The following NFATC2 variants were observed in gnomAD, a reference collection of about 807,000 sequenced individuals.
NFATC2 encodes nuclear factor of activated T-cells, cytoplasmic 2.
A neutral mutation model predicts 87.3 loss-of-function variants in NFATC2; 22 were observed. The observed-to-expected ratio is 0.25, with a 90% CI of 0.18 to 0.36. The LOEUF (loss-of-function observed/expected upper bound fraction) is 0.36, where lower values mean the gene tolerates loss of function less well. Ranked by LOEUF, NFATC2 falls within the 10% of genes least tolerant of loss-of-function variation. NFATC2 has a pLI of 1.00. For synonymous variants in NFATC2, 565 were observed against 542.2 expected, an observed-to-expected ratio of 1.04 and a Z score of -0.58; for missense variants, 1,149 against 1,259.1, an observed-to-expected ratio of 0.91 and a Z score of 1.32.
intron 9 of NFATC2, among the ~76,000 whole-genome samples, chr20:51,415,722 C>T (rs1468731703): frequency 6.6e-6 from 1 of 152,190 alleles, no homozygotes; most frequent in Non-Finnish European, 1.5e-5. Context: ...AGAGGTTCTA[C>T]CCATGCAGAT....
chr20:51,507,596 G>A lies in NFATC2; in HGVS notation c.1332+9188C>T, dbSNP rs897429660. ...ACACAAAACAAATAGCCTGACAGAC[G>A]TAAGTCTACATCACTTTATCATTGA... On this transcript the variant is annotated intron_variant, in intron 3 of 10. Coordinates refer to ENST00000371564, the MANE Select transcript of NFATC2 (RefSeq NM_012340.5). 9.8e-5 allele frequency among the ~76,000 whole-genome samples: 15 copies of A among 152,312 alleles called. No homozygotes were observed. The East Asian group carries it at 1.9e-3, about 20-fold the overall frequency.
intron 6 of NFATC2, among the ~76,000 whole-genome samples, chr20:51,446,627 A>C (rs1165642978): frequency 6.6e-6 from 1 of 152,272 alleles, no homozygotes; most frequent in Non-Finnish European, 1.5e-5. Context: ...TGCAAACGGA[A>C]TGAACTGCAG....
chr20:51,454,706 A>G lies in NFATC2; in HGVS notation c.1709-18T>C. The G allele has an allele frequency of 1.9e-6, 3 of 1,613,506 alleles. 1 individual carries two copies. The South Asian group carries it at 3.3e-5, about 18-fold the overall frequency. On this transcript the variant is annotated intron_variant, in intron 5 of 10. Coordinates refer to ENST00000371564, the MANE Select transcript of NFATC2 (RefSeq NM_012340.5). Reference sequence around the variant, plus strand: ...TCGCTGGGCTGCAGGCAAAAGAGAGAGAAGTCACTGTGATAAGGGGAGATG... The same window carrying G: ...TCGCTGGGCTGCAGGCAAAAGAGAGGGAAGTCACTGTGATAAGGGGAGATG...
chr20:51,413,057 C>CAGCTCCCGGGTTTCACAATCCTTTCCAT (rs1184787042), intron 9 of NFATC2, among the ~76,000 whole-genome samples: 183 of 148,918 alleles, frequency 1.2e-3, no homozygotes, highest in Admixed American at 2.1e-3. Flanking sequence ...TCCAGGCAGC[C>CAGCTCCCGGGTTTCACAATCCTTTCCAT]AGCTCCCGGG....
At chr20:51,439,339 A>C (rs1404577392) in intron 6 of NFATC2, among the ~76,000 whole-genome samples, 1 of 152,224 alleles carries the variant, frequency 6.6e-6, no homozygotes, top group Non-Finnish European at 1.5e-5. Flanking sequence ...CCAGGCACAG[A>C]GAGGCAAGAG....
At position 51,388,363 on chromosome 20, in the gene NFATC2, C is replaced by T. The variant is rs568554192; in HGVS notation, c.*3133G>A. The stretch of plus-strand genomic sequence containing the variant: ...TTCTTGAGCAAGAAAAAGGTGATTC[C>T]TTCTTCCACAAAGCCATTCCTTCTC... On this transcript the variant is annotated 3_prime_UTR_variant, in exon 11 of 11. Transcript: ENST00000371564. 16 of 152,180 alleles carry T rather than the reference C, an allele frequency of 1.1e-4. No individual in the cohort carries two copies. In the South Asian group the frequency reaches 3.3e-3, roughly 32 times the overall value. 9.4% of individuals were successfully genotyped at this position (152,180 alleles called of 1,614,324 possible).
chr20:51,546,025 C>A (rs2076887068), upstream of NFATC2, among the ~76,000 whole-genome samples: 1 of 152,156 alleles, frequency 6.6e-6, no homozygotes, highest in Non-Finnish European at 1.5e-5. Flanking sequence ...AATGCTATGG[C>A]AAGAACCTAA....
intron 6 of NFATC2, among the ~76,000 whole-genome samples, chr20:51,440,585 A>G (rs780918869): frequency 6.6e-6 from 1 of 152,186 alleles, no homozygotes; most frequent in Non-Finnish European, 1.5e-5. Flanking sequence ...AAGACCTCAG[A>G]GGAATAAGAA....
At chr20:51,428,536 G>A (rs1031744673) in intron 9 of NFATC2, among the ~76,000 whole-genome samples, 7 of 152,234 alleles carry the variant, frequency 4.6e-5, no homozygotes, top group African/African-American at 9.6e-5. Flanking sequence ...GAATGCAGGC[G>A]GGAAGGGCTG....
At chr20:51,544,930 T>C (rs191710893), upstream of NFATC2, among the ~76,000 whole-genome samples, 664 of 152,312 alleles carry the variant, frequency 4.4e-3, 3 homozygotes, top group Non-Finnish European at 5.5e-3. Flanking sequence ...TGTCAGAGCA[T>C]AAAGAAATTC....
intron 3 of NFATC2, among the ~76,000 whole-genome samples, chr20:51,476,034 T>C (rs1488132254): frequency 2.0e-5 from 3 of 151,548 alleles, no homozygotes; most frequent in East Asian, 3.9e-4. Context: ...GAGCTCTTGA[T>C]AGTGATTGCC....
At chr20:51,530,790 C>T (rs1215767255) in intron 1 of NFATC2, among the ~76,000 whole-genome samples, 1 of 152,138 alleles carries the variant, frequency 6.6e-6, no homozygotes, top group East Asian at 1.9e-4. Context: ...TTGACCTGAG[C>T]CACCCCCTCC....
intron 3 of NFATC2, among the ~76,000 whole-genome samples, chr20:51,478,448 T>C (rs1276952111): frequency 6.6e-6 from 1 of 152,184 alleles, no homozygotes; most frequent in Non-Finnish European, 1.5e-5. Flanking sequence ...AATCGCCTGC[T>C]GGGTGTACTC....
chr20:51,422,563 AC>A, intron 9 of NFATC2, among the ~76,000 whole-genome samples: 1 of 95,940 alleles, frequency 1.0e-5, no homozygotes. Flanking sequence ...CAGGAAGAAA[AC>A]CCCTCTTTTT....
chr20:51,437,087 C>G (rs1983688524), intron 6 of NFATC2, among the ~76,000 whole-genome samples: 1 of 150,398 alleles, frequency 6.6e-6, no homozygotes, highest in East Asian at 1.9e-4. Flanking sequence ...CACTACTCCC[C>G]CAGTTTGGGG....
chr20:51,542,837 G>A (rs1158901634), upstream of NFATC2: 5 of 586,698 alleles, frequency 8.5e-6, no homozygotes, highest in East Asian at 5.6e-4. Context: ...GGAGGGGCGC[G>A]CGGCCTGGGC....
At chr20:51,562,781 GCTCCC>G, upstream of NFATC2, 4 of 631,406 alleles carry the variant, frequency 6.3e-6, no homozygotes, top group Non-Finnish European at 1.1e-5. The surrounding 1 kb of genome is among the most constrained non-coding windows in gnomAD (Gnocchi z 5.8). Context: ...GCGCCTCCCG[GCTCCC>G]GGCTCGGCGG....
At chr20:51,558,053 G>T (rs2076992959) in intron 1 of NFATC2, among the ~76,000 whole-genome samples, 1 of 152,240 alleles carries the variant, frequency 6.6e-6, no homozygotes, top group East Asian at 1.9e-4. Flanking sequence ...ACAAAAATAG[G>T]AACCTGGCCG....
chr20:51,503,129 C>A (rs987152353), intron 3 of NFATC2, among the ~76,000 whole-genome samples: 3 of 152,122 alleles, frequency 2.0e-5, no homozygotes, highest in Non-Finnish European at 4.4e-5. Context: ...TCCAGAGAAC[C>A]AATGGCACTG....
Sources: gnomAD v4.1 joint callset for allele counts (sites outside exome capture counted in the v4.1 genomes callset) on GRCh38, gnomAD v4.1.1 for gene constraint, Gnocchi (gnomAD v3.1) non-coding constraint, MANE v1.5 for transcripts, NCBI Gene and HGNC (gene_info 2026-07-23, HGNC 2026-07-21) for gene names.